REDIC1: variants seen among roughly 807,000 people sequenced by gnomAD.
REDIC1 encodes the protein regulator of DNA class I crossover intermediates 1, also known as HEI10 Interacting Protein 1.
At chr12:39,779,330 C>T in the REDIC1 span, among the ~76,000 whole-genome samples, 1 of 152,194 alleles carries the variant, frequency 6.6e-6, no homozygotes, top group Non-Finnish European at 1.5e-5. Context: ...GCATCCTCCC[C>T]AAGTTCCAAT....
the REDIC1 span, among the ~76,000 whole-genome samples, chr12:39,731,537 G>A: frequency 2.6e-5 from 4 of 152,146 alleles, no homozygotes; most frequent in Admixed American, 2.6e-4. Context: ...TGTCCCAGAG[G>A]GGCACCCGCC....
At chr12:39,847,503 T>A in the REDIC1 span, among the ~76,000 whole-genome samples, 1 of 152,138 alleles carries the variant, frequency 6.6e-6, no homozygotes, top group Non-Finnish European at 1.5e-5. Context: ...GAAGAGCTGC[T>A]CTTTCTGCCT....
the REDIC1 span, among the ~76,000 whole-genome samples, chr12:39,779,934 T>C: frequency 6.6e-6 from 1 of 152,358 alleles, no homozygotes; most frequent in Non-Finnish European, 1.5e-5. Flanking sequence ...CTGTGGGCTA[T>C]CGTGATGCAA....
At chr12:39,715,706 T>C in the REDIC1 span, among the ~76,000 whole-genome samples, 4 of 151,496 alleles carry the variant, frequency 2.6e-5, no homozygotes, top group Non-Finnish European at 1.5e-5. Context: ...CCAAAACGAG[T>C]GTTTAATTGT....
At chr12:39,635,235 C>T in the REDIC1 span, among the ~76,000 whole-genome samples, 18 of 152,098 alleles carry the variant, frequency 1.2e-4, 1 homozygote, top group African/African-American at 4.1e-4. Context: ...GACAGTGTGG[C>T]GATTCCTCAA....
At chr12:39,776,595 G>A in the REDIC1 span, among the ~76,000 whole-genome samples, 4 of 152,236 alleles carry the variant, frequency 2.6e-5, no homozygotes, top group Non-Finnish European at 5.9e-5. Context: ...TGCAATAGAA[G>A]CCATGAGGTA....
chr12:39,744,922 C>G, the REDIC1 span, among the ~76,000 whole-genome samples: 1 of 152,186 alleles, frequency 6.6e-6, no homozygotes, highest in Admixed American at 6.5e-5. Context: ...AACAAGACTC[C>G]ACTATATGTT....
At chr12:39,722,713 G>A in the REDIC1 span, among the ~76,000 whole-genome samples, 3 of 152,140 alleles carry the variant, frequency 2.0e-5, 1 homozygote, top group Non-Finnish European at 4.4e-5. Flanking sequence ...AGCTCTGTAA[G>A]ATGAGGAATT....
the REDIC1 span, among the ~76,000 whole-genome samples, chr12:39,819,215 T>C: frequency 6.6e-6 from 1 of 152,176 alleles, no homozygotes; most frequent in African/African-American, 2.4e-5. Context: ...CAATAAGGAA[T>C]ATATGACATA....
the REDIC1 span, among the ~76,000 whole-genome samples, chr12:39,797,307 C>G: frequency 6.6e-6 from 1 of 152,212 alleles, no homozygotes; most frequent in African/African-American, 2.4e-5. Context: ...AAAATGCTAA[C>G]ATTTTCAGCA....
the REDIC1 span, among the ~76,000 whole-genome samples, chr12:39,772,099 T>C: frequency 1.3e-5 from 2 of 152,110 alleles, no homozygotes; most frequent in African/African-American, 2.4e-5. Context: ...GTCATTATCA[T>C]ATAGTGCTCT....
the REDIC1 span, among the ~76,000 whole-genome samples, chr12:39,735,065 G>T: frequency 6.6e-6 from 1 of 152,142 alleles, no homozygotes; most frequent in Admixed American, 6.5e-5. Context: ...GTTATTTTAA[G>T]CCACTAAATT....
chr12:39,859,039 AC>A, the REDIC1 span, among the ~76,000 whole-genome samples: 1 of 152,202 alleles, frequency 6.6e-6, no homozygotes, highest in African/African-American at 2.4e-5. Flanking sequence ...TGTAGTGAAT[AC>A]AAAATGAATT....
the REDIC1 span, among the ~76,000 whole-genome samples, chr12:39,666,101 T>A: frequency 6.6e-6 from 1 of 152,168 alleles, no homozygotes. Flanking sequence ...TCCAATACTA[T>A]GTTGAATAGG....
At chr12:39,876,357 T>C in the REDIC1 span, among the ~76,000 whole-genome samples, 2 of 152,212 alleles carry the variant, frequency 1.3e-5, no homozygotes, top group Admixed American at 1.3e-4. Context: ...GAATACTTCA[T>C]ATGCTTAACA....
chr12:39,736,642 G>T, the REDIC1 span: 1 of 152,220 alleles, frequency 6.6e-6, no homozygotes, highest in African/African-American at 2.4e-5. Flanking sequence ...AAGTGATGTT[G>T]CATGGTTTCC....
chr12:39,829,980 AGTAATGTAGTT>A, the REDIC1 span: 2 of 1,196,652 alleles, frequency 1.7e-6, no homozygotes, highest in East Asian at 5.1e-5. Flanking sequence ...TATGCTGCAA[AGTAATGTAGTT>A]ATGAAGGCCA....
At chr12:39,849,944 G>A in the REDIC1 span, among the ~76,000 whole-genome samples, 3 of 152,046 alleles carry the variant, frequency 2.0e-5, no homozygotes, top group South Asian at 2.1e-4. Flanking sequence ...TGTTATTAGT[G>A]TATATAATTT....
chr12:39,866,467 G>A, the REDIC1 span, among the ~76,000 whole-genome samples: 1 of 152,140 alleles, frequency 6.6e-6, no homozygotes, highest in Admixed American at 6.5e-5. Context: ...AATTTTAAAT[G>A]TCATAATGTA....
Sources: gnomAD v4.1 joint callset for allele counts (sites outside exome capture counted in the v4.1 genomes callset) on GRCh38, gnomAD v4.1.1 for gene constraint, MANE v1.5 for transcripts, NCBI Gene and HGNC (gene_info 2026-07-23, HGNC 2026-07-21) for gene names.